Variants in NID1 observed in about 807,000 individuals in gnomAD.
NID1 encodes nidogen-1.
In NID1, 76 loss-of-function variants were observed where a neutral mutation model predicts 130.6. The observed-to-expected ratio is 0.58, with a 90% CI of 0.48 to 0.70. The LOEUF (loss-of-function observed/expected upper bound fraction) is 0.70. NID1 is among the 30% of genes least tolerant of loss of function. The probability of loss-of-function intolerance (pLI) is 0.00; values close to 1 mark genes in which losing one functional copy is unlikely to be tolerated. For missense variants in NID1, 1,517 were observed against 1,664.8 expected (o/e 0.91, Z 1.54); for synonymous variants, 665 against 675.1 (o/e 0.98, Z 0.23).
At position 235,977,631 on chromosome 1, in the gene NID1, G is replaced by T. The variant is rs1657306718; in HGVS notation, c.*236C>A. 1 of 500,192 alleles carries T rather than the reference G, an allele frequency of 2.0e-6. No homozygotes were observed. 31.0% of individuals were successfully genotyped at this position (500,192 alleles called of 1,614,324 possible). A position where few individuals can be genotyped will look rare whatever the true frequency, so the allele number is the denominator to read the frequency against. On this transcript the variant is annotated 3_prime_UTR_variant, in exon 20 of 20. Coordinates refer to ENST00000264187, the MANE Select transcript of NID1 (RefSeq NM_002508.3). ...TCAGGGGTGTATAAGTCTGTCTGAG[G>T]GTTGGGGGTAGGGGTGGAGGGTTCT... is the stretch of plus-strand genomic sequence containing the variant.
chr1:235,977,692 A>G lies in NID1; in HGVS notation c.*175T>C, dbSNP rs1657308501. The stretch of plus-strand genomic sequence containing the variant: ...AGGGGTGGAGACTTTTCTATTAGAG[A>G]AGTCCAGGGTGCATGTTTTGGGGAA... On this transcript the variant is annotated 3_prime_UTR_variant, in exon 20 of 20. Coordinates refer to ENST00000264187, the MANE Select transcript of NID1 (RefSeq NM_002508.3). 1.1e-5 allele frequency: 7 copies of G among 637,354 alleles called. No individual in the cohort carries two copies. The highest frequency in any genetic ancestry group is 1.6e-5 in the Non-Finnish European group (6 of 370,108). The allele number at this position is 637,354 out of a possible 1,614,324, so 39.5% of individuals were successfully genotyped here. A position where few individuals can be genotyped will look rare whatever the true frequency, so the allele number is the denominator to read the frequency against.
At chr1:235,997,040 G>A (rs1657948006) in intron 12 of NID1, among the ~76,000 whole-genome samples, 2 of 151,882 alleles carry the variant, frequency 1.3e-5, no homozygotes, top group South Asian at 4.2e-4. Flanking sequence ...CACCATGTTG[G>A]TCAGGCTGGT....
Position 235,983,851 on chromosome 1 carries a change from A to T in NID1, c.3055+1528T>A, listed in dbSNP as rs572093343. Among the ~76,000 whole-genome samples the T allele has an allele frequency of 4.6e-5, 7 of 152,326 alleles. No individual in the cohort carries two copies. The East Asian group carries it at 1.3e-3, about 29-fold the overall frequency. ...GGTTGGGTCTGTAACTCAAGGAAAG[A>T]AAGAAAGCCTGGGATCCGGGCTGTT... On this transcript the variant is annotated intron_variant, in intron 15 of 19. Transcript: ENST00000264187.
chr1:235,987,124 G>A (rs1471654625), intron 14 of NID1, among the ~76,000 whole-genome samples: 2 of 152,218 alleles, frequency 1.3e-5, no homozygotes, highest in Non-Finnish European at 2.9e-5. Flanking sequence ...AAGCCACTGA[G>A]AGTTAGCTCT....
At chr1:236,019,476 ACGC>A (rs1658693598) in intron 9 of NID1, among the ~76,000 whole-genome samples, 5 of 152,316 alleles carry the variant, frequency 3.3e-5, no homozygotes, top group African/African-American at 1.2e-4. Flanking sequence ...GGGAACATTT[ACGC>A]AAGGGGAAGC....
chr1:235,998,500 C>A (rs879396507), intron 12 of NID1, among the ~76,000 whole-genome samples: 1 of 152,018 alleles, frequency 6.6e-6, no homozygotes, highest in Non-Finnish European at 1.5e-5. Flanking sequence ...CATGGAGAAA[C>A]CCCGTCTGTA....
At chr1:236,064,829 C>T (rs1224922252) in intron 1 of NID1, 26 bp downstream of exon 1, 13 of 1,593,364 alleles carry the variant, frequency 8.2e-6, no homozygotes, top group Non-Finnish European at 1.1e-5. Context: ...TGCAGCCCCT[C>T]GCCCGCCCTC....
chr1:235,976,280 G>T lies in NID1; in HGVS notation c.*1587C>A, dbSNP rs1657248295. ...GTGGGGCAGAGAGGCTGAGTGTACT[G>T]GGGTTTGAGGAAAAGAGGAGAGACT... is the stretch of plus-strand genomic sequence containing the variant. On this transcript the variant is annotated 3_prime_UTR_variant, in exon 20 of 20. Coordinates refer to ENST00000264187, the MANE Select transcript of NID1 (RefSeq NM_002508.3). The T allele has an allele frequency of 2.0e-5, 3 of 152,144 alleles. No individual in the cohort carries two copies. The South Asian group carries it at 6.2e-4, about 32-fold the overall frequency. 9.4% of individuals were successfully genotyped at this position (152,144 alleles called of 1,614,324 possible). A position where few individuals can be genotyped will look rare whatever the true frequency, so the allele number is the denominator to read the frequency against.
intron 4 of NID1, among the ~76,000 whole-genome samples, chr1:236,041,330 T>G (rs561537359): frequency 6.6e-6 from 1 of 152,272 alleles, no homozygotes; most frequent in African/African-American, 2.4e-5. Flanking sequence ...CCTCCCAAAG[T>G]GCTGGGATTA....
intron 9 of NID1, among the ~76,000 whole-genome samples, chr1:236,019,300 A>G (rs977152878): frequency 1.3e-5 from 2 of 152,220 alleles, no homozygotes; most frequent in Non-Finnish European, 2.9e-5. Context: ...CTGTGCTGCA[A>G]CTCTCAGAGG....
chr1:235,991,961 C>T (rs1657753773), intron 13 of NID1, among the ~76,000 whole-genome samples: 1 of 152,176 alleles, frequency 6.6e-6, no homozygotes, highest in Non-Finnish European at 1.5e-5. Context: ...GGCTCCTTTT[C>T]CCTCAGAATC....
chr1:236,011,752 G>T (rs1298837227), intron 12 of NID1, among the ~76,000 whole-genome samples, 169 bp downstream of exon 12: 1 of 143,766 alleles, frequency 7.0e-6, no homozygotes, highest in Admixed American at 6.7e-5. Flanking sequence ...GGCAGGCAAT[G>T]GGCCATGTGC....
chr1:236,011,493 G>A (rs1658419993), intron 12 of NID1, among the ~76,000 whole-genome samples: 1 of 151,936 alleles, frequency 6.6e-6, no homozygotes, highest in African/African-American at 2.4e-5. Context: ...AGTAGAGAGG[G>A]GGTTTTGCCA....
chr1:236,051,352 G>GA (rs987447890), intron 1 of NID1, among the ~76,000 whole-genome samples: 1 of 150,098 alleles, frequency 6.7e-6, no homozygotes, highest in Non-Finnish European at 1.5e-5. Context: ...TGCAGGGGCA[G>GA]AAAAAAAGAG....
intron 1 of NID1, among the ~76,000 whole-genome samples, chr1:236,062,655 AAG>A (rs1285394008): frequency 4.2e-4 from 59 of 142,080 alleles, no homozygotes; most frequent in African/African-American, 1.6e-3. Context: ...AAAAAAAAAA[AAG>A]AATAACCAAA....
At chr1:236,017,330 C>T (rs1658628986) in intron 9 of NID1, 57 bp from the exon 10 acceptor site, 35 of 1,580,488 alleles carry the variant, frequency 2.2e-5, no homozygotes, top group South Asian at 6.7e-5. Context: ...TCAAACATTA[C>T]TGACTATAAT....
chr1:235,975,872 A>G lies in NID1; in HGVS notation c.*1995T>C, dbSNP rs942714646. On this transcript the variant is annotated 3_prime_UTR_variant, in exon 20 of 20. Transcript: ENST00000264187. Reference sequence around the variant, plus strand: ...AGTTTATTTTCCACACTATTTGTACAGCTGTAAACTCAAGGAATCATCCAA... The same window carrying G: ...AGTTTATTTTCCACACTATTTGTACGGCTGTAAACTCAAGGAATCATCCAA... 2 of 152,648 alleles carry G rather than the reference A, an allele frequency of 1.3e-5. No homozygotes were observed. Among genetic ancestry groups the G allele is most frequent in the African/African-American group, 4.8e-5 (2 of 41,452 alleles). The allele number at this position is 152,648 out of a possible 1,614,324, so 9.5% of individuals were successfully genotyped here.
In NID1 at chr1:236,032,591, G is replaced by C. The variant is rs2102831839; in HGVS notation, c.1347C>G (p.Val449=). ...KGRIFVGSSQ[V]PIVFENTDLH... is the part of the protein sequence containing the mutation. The stretch of plus-strand genomic sequence containing the variant: ...GGTCAGTGTTCTCAAAGACAATGGG[G>C]ACCTGGCTGCTCCCCACAAAGATCC... Residue 449 remains valine, a synonymous_variant, in exon 6 of 20, where the codon GTC becomes GTG. Coordinates refer to ENST00000264187, the MANE Select transcript of NID1 (RefSeq NM_002508.3). 1 of 1,614,104 alleles carries C rather than the reference G, an allele frequency of 6.2e-7. No homozygotes were observed. The highest frequency in any genetic ancestry group is 2.2e-5 in the East Asian group (1 of 44,876).
intron 1 of NID1, among the ~76,000 whole-genome samples, chr1:236,058,707 G>A (rs1327040449): frequency 6.6e-6 from 1 of 152,168 alleles, no homozygotes; most frequent in Non-Finnish European, 1.5e-5. Flanking sequence ...TGAAACAACA[G>A]CCACTTGGCC....
Sources: allele counts gnomAD v4.1 joint callset (sites outside exome capture counted in the v4.1 genomes callset), GRCh38; gene constraint gnomAD v4.1.1; transcripts MANE v1.5; gene names NCBI Gene and HGNC (gene_info 2026-07-23, HGNC 2026-07-21).